The following SEMA4B variants were observed in gnomAD, a reference collection of about 807,000 sequenced individuals.
SEMA4B encodes semaphorin-4B.
In SEMA4B, 55 loss-of-function variants were observed where a neutral mutation model predicts 88.1. The observed-to-expected ratio is 0.62, with a 90% CI of 0.50 to 0.78. The LOEUF (loss-of-function observed/expected upper bound fraction) is 0.78, where lower values mean the gene tolerates loss of function less well. Ranked by LOEUF, SEMA4B falls within the 30% of genes least tolerant of loss-of-function variation. The probability of loss-of-function intolerance (pLI) is 0.00; values close to 1 mark genes in which losing one functional copy is unlikely to be tolerated. For missense variants in SEMA4B, 1,062 were observed against 1,111.9 expected (o/e 0.96, Z 0.64); for synonymous variants, 525 against 473.6 (o/e 1.11, Z -1.41).
upstream of SEMA4B, among the ~76,000 whole-genome samples, chr15:90,198,532 G>C (rs1411260777): frequency 6.6e-6 from 1 of 152,138 alleles, no homozygotes; most frequent in Non-Finnish European, 1.5e-5. Context: ...AATATCTCAA[G>C]GTATTTTTAA....
Position 90,219,891 on chromosome 15 carries a change from C to T in SEMA4B, c.483C>T (p.Ile161=), listed in dbSNP as rs375789164. 6.2e-6 allele frequency: 10 copies of T among 1,608,636 alleles called. No homozygotes were observed. The African/African-American group carries it at 8.0e-5, about 13-fold the overall frequency. The change falls in exon 4 of 14, where the codon ATC becomes ATT. Residue 161 remains isoleucine, a splice_region_variant and synonymous_variant. Transcript: ENST00000411539. ...TAAFSPMCTY[I]NMENFTLARD... is the part of the protein sequence containing the mutation. ...CCTTCAGCCCCATGTGTACCTACAT[C>T]GTGAGTGACCTGTCCTCAGCCCTGA...
chr15:90,198,892 G>C (rs1023741152), upstream of SEMA4B, among the ~76,000 whole-genome samples: 3 of 152,144 alleles, frequency 2.0e-5, no homozygotes, highest in African/African-American at 7.2e-5. Context: ...GTTTAAGATG[G>C]AGTCTTGCTC....
At position 90,225,658 on chromosome 15, in the gene SEMA4B, C is replaced by T. The variant is rs1303068035; in HGVS notation, c.1522-3C>T. Reference sequence around the variant, plus strand: ...CTTCTCATCCCCGTGTCTGGCTGTGCAGGGGCTGCTGTATGCGGCCTCACA... The same window carrying T: ...CTTCTCATCCCCGTGTCTGGCTGTGTAGGGGCTGCTGTATGCGGCCTCACA... On this transcript the variant is annotated splice_region_variant and splice_polypyrimidine_tract_variant and intron_variant, in intron 11 of 13. Transcript: ENST00000411539. 6.4e-6 allele frequency: 10 copies of T among 1,562,056 alleles called. No individual in the cohort carries two copies. Among genetic ancestry groups the T allele is most frequent in the Non-Finnish European group, 8.7e-6 (10 of 1,154,478 alleles).
At chr15:90,202,904 A>C (rs1200324486) in intron 1 of SEMA4B, among the ~76,000 whole-genome samples, 1 of 152,228 alleles carries the variant, frequency 6.6e-6, no homozygotes, top group Non-Finnish European at 1.5e-5. Flanking sequence ...GCAGGGCCCT[A>C]GCGGCTTCAA....
Position 90,229,496 on chromosome 15 carries a change from C to A in SEMA4B, c.*853C>A. The A allele has an allele frequency of 4.7e-6, 2 of 428,480 alleles. No homozygotes were observed. Among genetic ancestry groups the A allele is most frequent in the Non-Finnish European group, 4.7e-6 (1 of 211,836 alleles). 26.5% of individuals were successfully genotyped at this position (428,480 alleles called of 1,614,324 possible). On this transcript the variant is annotated 3_prime_UTR_variant, in exon 14 of 14. Coordinates refer to ENST00000411539, the MANE Select transcript of SEMA4B (RefSeq NM_198925.4). ...ACGAGGAACTAACTGCACCCTGGTC[C>A]TCTCCCCAGTCCCCAGTTCACCCTC...
chr15:90,203,212 G>A (rs556233331), intron 1 of SEMA4B, among the ~76,000 whole-genome samples: 2 of 152,314 alleles, frequency 1.3e-5, no homozygotes, highest in East Asian at 1.9e-4. Context: ...TTCTGCCTGG[G>A]GTTAGGACAG....
At chr15:90,216,179 G>GA (rs1419952995) in intron 1 of SEMA4B, among the ~76,000 whole-genome samples, 1 of 151,990 alleles carries the variant, frequency 6.6e-6, no homozygotes, top group Non-Finnish European at 1.5e-5. Context: ...GTAGAGACGG[G>GA]ATCTCTCCAT....
intron 9 of SEMA4B, among the ~76,000 whole-genome samples, chr15:90,224,243 C>A (rs757769941): frequency 1.3e-5 from 2 of 152,224 alleles, no homozygotes; most frequent in Non-Finnish European, 2.9e-5. Flanking sequence ...CAGGCTGTTA[C>A]AATCATCTCT....
rs1960744814 is a variant in SEMA4B at position 90,201,683 on chromosome 15, G to C, written c.105G>C (p.Leu35=). 1 of 1,512,008 alleles carries C rather than the reference G, an allele frequency of 6.6e-7. No individual in the cohort carries two copies. The highest frequency in any genetic ancestry group is 8.8e-7 in the Non-Finnish European group (1 of 1,137,170). 93.7% of individuals were successfully genotyped at this position (1,512,008 alleles called of 1,614,324 possible). A position where few individuals can be genotyped will look rare whatever the true frequency, so the allele number is the denominator to read the frequency against. ...TGCTCCTGCTGCTGCTGCTCCTGCT[G>C]CAGCCGCCGCCTCCGACCTGGGCGC... ...LLLLLLLLLL[L]QPPPPTWALS... Residue 35 remains leucine (L), a synonymous_variant, in exon 1 of 14, where the codon CTG becomes CTC. Transcript: ENST00000411539.
At chr15:90,201,287 C>G, upstream of SEMA4B, 1 of 1,100,322 alleles carries the variant, frequency 9.1e-7, no homozygotes, top group Non-Finnish European at 1.1e-6. Flanking sequence ...GGCGGGCCGG[C>G]CGGGCTCACG....
At chr15:90,214,858 G>A in intron 1 of SEMA4B, 1 of 617,614 alleles carries the variant, frequency 1.6e-6, no homozygotes, top group Non-Finnish European at 2.4e-6. Flanking sequence ...TCAGATTTGG[G>A]TTTTCTCTGC....
intron 7 of SEMA4B, among the ~76,000 whole-genome samples, chr15:90,222,189 C>T (rs1400895645): frequency 2.0e-5 from 3 of 150,892 alleles, no homozygotes. Flanking sequence ...ATCCACCCAC[C>T]TCGGCTTCCC....
chr15:90,217,204 G>C, intron 1 of SEMA4B: 1 of 435,084 alleles, frequency 2.3e-6, no homozygotes, highest in Non-Finnish European at 4.1e-6. Flanking sequence ...AATGTGAAGG[G>C]TGCCGTAGTA....
At position 90,212,385 on chromosome 15, in the gene SEMA4B, G is replaced by A. The variant is rs12593836; in HGVS notation, c.158-5054G>A. Among the ~76,000 whole-genome samples, 23,741 of 152,048 alleles carry A rather than the reference G, an allele frequency of 0.16. 2,716 individuals are homozygous for A. The highest frequency in any genetic ancestry group is 0.63 in the East Asian group (3,227 of 5,136). On this transcript the variant is annotated intron_variant, in intron 1 of 13. Coordinates refer to ENST00000411539, the MANE Select transcript of SEMA4B (RefSeq NM_198925.4). The surrounding 1 kb of genome is among the most constrained non-coding windows in gnomAD (Gnocchi z 4.0). ...TTCACCCTGAATGGGAAAACCGGCC[G>A]CAGCCTCGGCGTGCCCTGCTTTCTT...
chr15:90,197,507 G>A (rs921608813), upstream of SEMA4B, among the ~76,000 whole-genome samples: 28 of 151,668 alleles, frequency 1.8e-4, no homozygotes, highest in South Asian at 4.4e-3. Flanking sequence ...GCGCGATCTC[G>A]GCTCACTGCA....
chr15:90,204,329 G>T (rs962957283), intron 1 of SEMA4B, among the ~76,000 whole-genome samples: 1 of 152,238 alleles, frequency 6.6e-6, no homozygotes. Flanking sequence ...GGACAGTGGG[G>T]CTATGTCTGT....
At chr15:90,201,124 A>G (rs1960690233), upstream of SEMA4B, among the ~76,000 whole-genome samples, 1 of 151,446 alleles carries the variant, frequency 6.6e-6, no homozygotes, top group African/African-American at 2.4e-5. Context: ...GGGTCTGAGC[A>G]GTGGGGGCGG....
intron 11 of SEMA4B, 129 bp downstream of exon 11, chr15:90,225,526 C>A: frequency 1.5e-6 from 2 of 1,294,088 alleles, no homozygotes; most frequent in Non-Finnish European, 2.2e-6. Flanking sequence ...CAGTCATGAA[C>A]TATTAGAAAG....
intron 1 of SEMA4B, among the ~76,000 whole-genome samples, chr15:90,187,372 C>T (rs1397934012): frequency 2.0e-5 from 3 of 152,176 alleles, no homozygotes; most frequent in Non-Finnish European, 4.4e-5. Flanking sequence ...TGATTTGAGA[C>T]AGCTAGAGCA....
Sources: gnomAD v4.1 joint callset for allele counts (sites outside exome capture counted in the v4.1 genomes callset) on GRCh38, gnomAD v4.1.1 for gene constraint, Gnocchi (gnomAD v3.1) non-coding constraint, MANE v1.5 for transcripts, NCBI Gene and HGNC (gene_info 2026-07-23, HGNC 2026-07-21) for gene names.